Variants in NUTM1 observed in about 807,000 individuals in gnomAD.
The protein encoded by NUTM1 is NUT midline carcinoma family member 1.
NUTM1 carries 39 observed loss-of-function variants against 88.7 expected under a neutral mutation model. The observed-to-expected ratio is 0.44, with a 90% CI of 0.34 to 0.57. The LOEUF (loss-of-function observed/expected upper bound fraction) is 0.57, where lower values mean the gene tolerates loss of function less well. Ranked by LOEUF, NUTM1 falls within the 20% of genes least tolerant of loss-of-function variation. NUTM1 has a pLI of 0.01. For synonymous variants in NUTM1, 494 were observed against 538.0 expected, an observed-to-expected ratio of 0.92 and a Z score of 1.13; for missense variants, 1,350 against 1,414.5, an observed-to-expected ratio of 0.95 and a Z score of 0.73.
intron 1 of NUTM1, 64 bp from the exon 2 acceptor site, chr15:34,345,878 T>G (rs1890575809): frequency 6.3e-7 from 1 of 1,590,220 alleles, no homozygotes; most frequent in Non-Finnish European, 8.6e-7. Flanking sequence ...TTCCGTATTC[T>G]AGTTCTGTGT....
chr15:34,354,348 T>A (rs986837073), intron 5 of NUTM1, 98 bp from the exon 6 acceptor site: 13 of 1,305,670 alleles, frequency 1.0e-5, no homozygotes, highest in Non-Finnish European at 1.4e-5. Context: ...CTACTTCCCA[T>A]TCTCCTGTCC....
chr15:34,344,605 T>C (rs1890551623), intron 1 of NUTM1, among the ~76,000 whole-genome samples: 1 of 151,960 alleles, frequency 6.6e-6, no homozygotes, highest in Non-Finnish European at 1.5e-5. Context: ...TGGTTTCCTC[T>C]GGGATAGAGA....
At position 34,348,239 on chromosome 15, in the gene NUTM1, G is replaced by T. The variant is rs200731305; in HGVS notation, c.371G>T (p.Gly124Val). The T allele has an allele frequency of 3.1e-6, 5 of 1,614,246 alleles. No homozygotes were observed. The highest frequency in any genetic ancestry group is 1.7e-5 in the Admixed American group (1 of 60,028). ...GTCATTGTCAAAGTCAAGACAGAAG[G>T]GGGGTCAGCTGAGCCCTCTCAAACT... ...GKVIVKVKTE[G>V]GSAEPSQTQN... The change falls in exon 3 of 8, where the codon GGG becomes GTG. Residue 124 changes from glycine to valine, a missense_variant. Gly to Val is a moderately radical substitution (Grantham distance 109, BLOSUM62 -3). Transcript: ENST00000537011.
In NUTM1 at chr15:34,356,101, T is replaced by A. The variant is rs1489682300; in HGVS notation, c.2093T>A (p.Leu698His). ...KGQQTGGRGV[L>H]PQGKEPLAVP... Reference sequence around the variant, plus strand: ...CAACAAACAGGGGGTCGTGGAGTGCTTCCTCAAGGGAAGGAGCCTTTAGCA... The same window carrying A: ...CAACAAACAGGGGGTCGTGGAGTGCATCCTCAAGGGAAGGAGCCTTTAGCA... The change falls in exon 8 of 8, where the codon CTT becomes CAT. Residue 698 changes from leucine (L) to histidine (H), a missense_variant. This residue lies in a region of NUTM1 where 730 missense variants were observed against 728.8 expected (regional missense o/e 1.00). Coordinates refer to ENST00000537011, the MANE Select transcript of NUTM1 (RefSeq NM_001284292.2). 1 of 1,613,594 alleles carries A rather than the reference T, an allele frequency of 6.2e-7. No individual in the cohort carries two copies. The highest frequency in any genetic ancestry group is 2.2e-5 in the East Asian group (1 of 44,846).
intron 2 of NUTM1, among the ~76,000 whole-genome samples, chr15:34,347,632 T>C (rs1304373706): frequency 1.3e-5 from 2 of 152,048 alleles, no homozygotes; most frequent in African/African-American, 4.8e-5. Context: ...AGCAGGCGGA[T>C]CACAAGGTCA....
At chr15:34,344,003 A>C (rs1890534904) in intron 1 of NUTM1, among the ~76,000 whole-genome samples, 1 of 149,662 alleles carries the variant, frequency 6.7e-6, no homozygotes, top group Non-Finnish European at 1.5e-5. Flanking sequence ...CAGGCAGATC[A>C]CAGGTCAAGG....
At position 34,356,449 on chromosome 15, in the gene NUTM1, T is replaced by C. The variant is rs199626580; in HGVS notation, c.2441T>C (p.Ile814Thr). The change falls in exon 8 of 8, where the codon ATT becomes ACT. Residue 814 changes from isoleucine (I) to threonine (T), a missense_variant. Physicochemically the swap from Ile to Thr is moderately conservative, Grantham distance 89 (BLOSUM62 -1). Coordinates refer to ENST00000537011, the MANE Select transcript of NUTM1 (RefSeq NM_001284292.2). ...CCTGGGGATACGGAGAGCAGTGTGATTCCCTGTGGAGGCACAGTTGCGGCA... is the reference window on the plus strand; with the variant it reads ...CCTGGGGATACGGAGAGCAGTGTGACTCCCTGTGGAGGCACAGTTGCGGCA... ...LVPGDTESSVIPCGGTVAAAA... is the reference protein window; with the variant it reads ...LVPGDTESSVTPCGGTVAAAA... 7 of 1,612,242 alleles carry C rather than the reference T, an allele frequency of 4.3e-6. No homozygotes were observed. The African/African-American group carries it at 9.3e-5, about 22-fold the overall frequency.
At position 34,348,469 on chromosome 15, in the gene NUTM1, G is replaced by T; in HGVS notation, c.601G>T (p.Val201Leu). The change falls in exon 3 of 8, where the codon GTG becomes TTG. Residue 201 changes from valine to leucine, a missense_variant. By Grantham distance (32) the Val-to-Leu change is conservative. This residue lies in a region of NUTM1 where 399 missense variants were observed against 397.9 expected (regional missense o/e 1.00). Transcript: ENST00000537011. ...PPPVAQLVPI[V>L]PLEKAWPGPH... ...ACCAGTTGCTCAACTGGTCCCCATT[G>T]TGCCCCTGGAAAAAGCTTGGCCAGG... The T allele has an allele frequency of 6.2e-7, 1 of 1,614,130 alleles. No homozygotes were observed.
In NUTM1 at chr15:34,357,361, C is replaced by T. The variant is rs567972876; in HGVS notation, c.3353C>T (p.Ser1118Leu). 1.2e-6 allele frequency: 2 copies of T among 1,614,230 alleles called. No homozygotes were observed. The highest frequency in any genetic ancestry group is 3.3e-5 in the Admixed American group (2 of 60,024). Residue 1118 changes from serine to leucine, a missense_variant, in exon 8 of 8, where the codon TCA (serine) becomes TTA (leucine). This residue lies in a region of NUTM1 where 730 missense variants were observed against 728.8 expected (regional missense o/e 1.00). Coordinates refer to ENST00000537011, the MANE Select transcript of NUTM1 (RefSeq NM_001284292.2). ...GCCCCTACTGAAAAGACACCCCACT[C>T]AGGAGCTCAACTTGGGGTCCCCAGG... ...GPAPTEKTPHSGAQLGVPREK... is the reference protein window; with the variant it reads ...GPAPTEKTPHLGAQLGVPREK...
At chr15:34,347,670 G>C (rs1305042574) in intron 2 of NUTM1, among the ~76,000 whole-genome samples, 9 of 152,030 alleles carry the variant, frequency 5.9e-5, no homozygotes, top group Admixed American at 5.2e-4. Flanking sequence ...TGGCTAACAC[G>C]GTGAAACCCC....
intron 2 of NUTM1, among the ~76,000 whole-genome samples, chr15:34,346,907 A>AAAAAAAAG (rs1328410929): frequency 6.7e-6 from 1 of 149,244 alleles, no homozygotes; most frequent in Non-Finnish European, 1.5e-5. Flanking sequence ...AAAAAAAAAA[A>AAAAAAAAG]GCAGCACTTA....
At chr15:34,349,008 A>G (rs1890660218) in intron 3 of NUTM1, among the ~76,000 whole-genome samples, 1 of 152,176 alleles carries the variant, frequency 6.6e-6, no homozygotes, top group African/African-American at 2.4e-5. Context: ...TCTAAGTGCC[A>G]GGGTCCTCCC....
Position 34,357,597 on chromosome 15 carries a change from T to C in NUTM1, c.*106T>C, listed in dbSNP as rs752933361. Reference sequence around the variant, plus strand: ...CAATGGAGAATCCCAATGTTGAATCTCATCCCAATGTTGTTTTGTTGTTCT... The same window carrying C: ...CAATGGAGAATCCCAATGTTGAATCCCATCCCAATGTTGTTTTGTTGTTCT... On this transcript the variant is annotated 3_prime_UTR_variant, in exon 8 of 8. Coordinates refer to ENST00000537011, the MANE Select transcript of NUTM1 (RefSeq NM_001284292.2). 3.1e-6 allele frequency: 5 copies of C among 1,595,156 alleles called. No individual in the cohort carries two copies. Among genetic ancestry groups the C allele is most frequent in the South Asian group, 2.2e-5 (2 of 90,134 alleles).
At chr15:34,345,849 C>A (rs1890575205) in intron 1 of NUTM1, 93 bp from the exon 2 acceptor site, 5 of 1,515,108 alleles carry the variant, frequency 3.3e-6, no homozygotes, top group Middle Eastern at 3.4e-4. Flanking sequence ...TCCCCTCCCC[C>A]ACAGCAGAAT....
At position 34,343,606 on chromosome 15, in the gene NUTM1, A is replaced by G. The variant is rs1010987852; in HGVS notation, c.-91A>G. On this transcript the variant is annotated 5_prime_UTR_variant, in exon 1 of 8. Coordinates refer to ENST00000537011, the MANE Select transcript of NUTM1 (RefSeq NM_001284292.2). Reference sequence around the variant, plus strand: ...AATATTCCGTAAAGCGAAAGAGCGTAAAGTTATTTTATGAAACTGGTGAAG... The same window carrying G: ...AATATTCCGTAAAGCGAAAGAGCGTGAAGTTATTTTATGAAACTGGTGAAG... The G allele has an allele frequency of 3.3e-6, 5 of 1,535,416 alleles. No homozygotes were observed. Among genetic ancestry groups the G allele is most frequent in the Admixed American group, 2.0e-5 (1 of 50,970 alleles).
chr15:34,348,279 T>C lies in NUTM1; in HGVS notation c.411T>C (p.Leu137=). Residue 137 remains leucine (L), a synonymous_variant, in exon 3 of 8, where the codon CTT becomes CTC. Coordinates refer to ENST00000537011, the MANE Select transcript of NUTM1 (RefSeq NM_001284292.2). ...CCTCTCAAACTCAGAACTTTATCCT[T>C]ACTCAGACTGCCCTCAATTCGACTG... ...AEPSQTQNFI[L]TQTALNSTAP... 1.2e-6 allele frequency: 2 copies of C among 1,614,242 alleles called. No homozygotes were observed. Among genetic ancestry groups the C allele is most frequent in the Non-Finnish European group, 1.7e-6 (2 of 1,180,034 alleles).
At position 34,355,177 on chromosome 15, in the gene NUTM1, G is replaced by C. The variant is rs1890779416; in HGVS notation, c.1479+40G>C. The C allele has an allele frequency of 7.5e-7, 1 of 1,328,870 alleles. No individual in the cohort carries two copies. Among genetic ancestry groups the C allele is most frequent in the Admixed American group, 1.7e-5 (1 of 59,194 alleles). 82.3% of individuals were successfully genotyped at this position (1,328,870 alleles called of 1,614,324 possible). On this transcript the variant is annotated intron_variant, in intron 7 of 7. Coordinates refer to ENST00000537011, the MANE Select transcript of NUTM1 (RefSeq NM_001284292.2). This position sits in a 1 kb window ranked among gnomAD's most constrained non-coding sequence, Gnocchi z 4.3. ...TAGGAAATATGAGAACGAGAAGCTT[G>C]CAAGATTTTATCTAACCCTACACTG...
chr15:34,353,976 T>G, intron 5 of NUTM1, 104 bp downstream of exon 5: 1 of 1,312,448 alleles, frequency 7.6e-7, no homozygotes, highest in Non-Finnish European at 1.1e-6. Context: ...GCTCTGCCAC[T>G]TTCCCTCTGG....
intron 1 of NUTM1, 63 bp from the exon 2 acceptor site, chr15:34,345,879 A>C (rs745414898): frequency 1.1e-4 from 174 of 1,589,994 alleles, no homozygotes; most frequent in Non-Finnish European, 1.4e-4. Context: ...TCCGTATTCT[A>C]GTTCTGTGTG....
Sources: allele counts gnomAD v4.1 joint callset (sites outside exome capture counted in the v4.1 genomes callset), GRCh38; gene constraint gnomAD v4.1.1; regional missense constraint gnomAD v4.1.1; non-coding constraint Gnocchi (gnomAD v3.1); transcripts MANE v1.5; gene names NCBI Gene and HGNC (gene_info 2026-07-23, HGNC 2026-07-21).